PLEKHA5: variants seen among roughly 807,000 people sequenced by gnomAD.
PLEKHA5 encodes the protein pleckstrin homology domain-containing family A member 5.
PLEKHA5 carries 55 observed loss-of-function variants against 181.9 expected under a neutral mutation model. That is an observed-to-expected ratio of 0.30 (90% CI 0.24 to 0.38). The LOEUF (loss-of-function observed/expected upper bound fraction) is 0.38. Among genes scored for constraint, PLEKHA5 ranks in the 10% least tolerant of loss-of-function variants. The probability of loss-of-function intolerance (pLI) is 1.00; values close to 1 mark genes in which losing one functional copy is unlikely to be tolerated. For synonymous variants in PLEKHA5, 535 were observed against 529.4 expected (o/e 1.01, Z -0.15); for missense variants, 1,432 against 1,549.5 (o/e 0.92, Z 1.27).
intron 15 of PLEKHA5, chr12:19,306,682 C>A: frequency 2.0e-6 from 3 of 1,470,766 alleles, no homozygotes; most frequent in Non-Finnish European, 9.5e-7. Flanking sequence ...TAGCTCTGAG[C>A]AGATGCGGAC....
At chr12:19,302,995 C>T (rs889902501) in intron 15 of PLEKHA5, among the ~76,000 whole-genome samples, 2 of 133,504 alleles carry the variant, frequency 1.5e-5, no homozygotes, top group African/African-American at 5.5e-5. Flanking sequence ...CATCTCGGCT[C>T]ACTGCAACCT....
At chr12:19,179,253 A>G (rs945832238) in intron 3 of PLEKHA5, among the ~76,000 whole-genome samples, 1 of 152,116 alleles carries the variant, frequency 6.6e-6, no homozygotes, top group African/African-American at 2.4e-5. Context: ...AGTATGTATT[A>G]TTTATATTGA....
chr12:19,219,980 G>C (rs1391568720), intron 3 of PLEKHA5, among the ~76,000 whole-genome samples: 1 of 152,134 alleles, frequency 6.6e-6, no homozygotes, highest in Non-Finnish European at 1.5e-5. Context: ...AAGAATTGTA[G>C]ATAGATGTGT....
At chr12:19,158,495 G>A (rs532610164) in intron 3 of PLEKHA5, among the ~76,000 whole-genome samples, 1 of 152,308 alleles carries the variant, frequency 6.6e-6, no homozygotes, top group Admixed American at 6.5e-5. Context: ...AGTACATTCC[G>A]TGGATGTCCT....
intron 17 of PLEKHA5, 128 bp downstream of exon 17, chr12:19,320,184 G>A: frequency 4.9e-6 from 2 of 406,742 alleles, no homozygotes; most frequent in South Asian, 4.9e-5. Flanking sequence ...GGTTTTGGCT[G>A]TTGAACTATG....
At chr12:19,345,993 T>C (rs1378185541) in intron 23 of PLEKHA5, 105 bp downstream of exon 23, 1 of 547,622 alleles carries the variant, frequency 1.8e-6, no homozygotes, top group Non-Finnish European at 3.2e-6. Context: ...ATTTTTTAAA[T>C]ATATTGAACA....
chr12:19,255,990 T>G (rs761166949), intron 5 of PLEKHA5, among the ~76,000 whole-genome samples: 9 of 151,626 alleles, frequency 5.9e-5, no homozygotes, highest in Non-Finnish European at 1.0e-4. Flanking sequence ...CCACACGTAA[T>G]TATTATCCAT....
In PLEKHA5 at chr12:19,316,845, GA is replaced by G. The variant is rs2088976608; in HGVS notation, c.2118+1955del. On this transcript the variant is annotated intron_variant, in intron 16 of 31. Transcript: ENST00000429027. ...TTCCCTCATCATGTTATTATCCAGG[GA>G]AAATGTACTGCTACAGTTTGCTTTT... Among the ~76,000 whole-genome samples, 4 of 152,096 alleles carry G rather than the reference GA, an allele frequency of 2.6e-5. No homozygotes were observed. In the South Asian group the frequency reaches 8.3e-4, roughly 32 times the overall value.
Position 19,310,474 on chromosome 12 carries a change from G to A in PLEKHA5, c.2038-4340G>A, listed in dbSNP as rs1029289711. Among the ~76,000 whole-genome samples the A allele has an allele frequency of 3.3e-5, 5 of 151,904 alleles. 1 individual carries two copies. The South Asian group carries it at 1.0e-3, about 32-fold the overall frequency. On this transcript the variant is annotated intron_variant, in intron 15 of 31. Transcript: ENST00000429027. ...AAAATACAAAAATTAGCTGAGTGTG[G>A]TGGTGGGCACCTGTAATCCCAGCTA...
intron 3 of PLEKHA5, among the ~76,000 whole-genome samples, chr12:19,208,440 A>G (rs2056180891): frequency 6.6e-6 from 1 of 151,862 alleles, no homozygotes; most frequent in Non-Finnish European, 1.5e-5. Context: ...TTTCACTCGA[A>G]TTTAAACCTT....
chr12:19,247,234 C>A (rs1325501796), intron 3 of PLEKHA5, among the ~76,000 whole-genome samples: 1 of 152,166 alleles, frequency 6.6e-6, no homozygotes, highest in East Asian at 1.9e-4. Flanking sequence ...ATAAAAGAAA[C>A]CTGTCACTTA....
At chr12:19,181,080 G>A (rs2151841900) in intron 3 of PLEKHA5, among the ~76,000 whole-genome samples, 1 of 151,840 alleles carries the variant, frequency 6.6e-6, no homozygotes, top group Admixed American at 6.6e-5. Flanking sequence ...TAATATAATG[G>A]AAAATATCAG....
chr12:19,238,496 G>A, intron 3 of PLEKHA5, among the ~76,000 whole-genome samples: 1 of 152,026 alleles, frequency 6.6e-6, no homozygotes, highest in East Asian at 1.9e-4. Flanking sequence ...TTTTCCTTAA[G>A]TTGCAGAATT....
intron 15 of PLEKHA5, among the ~76,000 whole-genome samples, chr12:19,301,851 T>C (rs1326156901): frequency 6.6e-6 from 1 of 152,192 alleles, no homozygotes; most frequent in Non-Finnish European, 1.5e-5. Flanking sequence ...ATTTCCCTGC[T>C]TCCTGTTGAA....
chr12:19,320,501 A>G lies in PLEKHA5; in HGVS notation c.2155-61A>G, dbSNP rs1255742555. 1.5e-5 allele frequency: 11 copies of G among 740,294 alleles called. No individual in the cohort carries two copies. The East Asian group carries it at 2.9e-4, about 20-fold the overall frequency. 45.9% of individuals were successfully genotyped at this position (740,294 alleles called of 1,614,324 possible). A position where few individuals can be genotyped will look rare whatever the true frequency, so the allele number is the denominator to read the frequency against. ...TAATATAAATCCAAAGTATTAATTAATAGGGTAAATATATTTTTAAATAAG... is the reference window on the plus strand; with the variant it reads ...TAATATAAATCCAAAGTATTAATTAGTAGGGTAAATATATTTTTAAATAAG... On this transcript the variant is annotated intron_variant, in intron 17 of 31. Coordinates refer to ENST00000429027, the MANE Select transcript of PLEKHA5 (RefSeq NM_001256470.2).
chr12:19,144,821 A>G (rs1187920688), intron 3 of PLEKHA5, among the ~76,000 whole-genome samples: 1 of 152,220 alleles, frequency 6.6e-6, no homozygotes, highest in Non-Finnish European at 1.5e-5. Context: ...TTTTTATCAT[A>G]AAGTCAGAGA....
At chr12:19,149,578 A>G (rs896868646) in intron 3 of PLEKHA5, 2 of 151,530 alleles carry the variant, frequency 1.3e-5, no homozygotes, top group African/African-American at 4.9e-5. Flanking sequence ...TATTGTGCAT[A>G]CTTTTCATGG....
chr12:19,370,709 TTTC>T (rs1407126404), intron 31 of PLEKHA5: 15 of 152,110 alleles, frequency 9.9e-5, no homozygotes, highest in African/African-American at 3.4e-4. Flanking sequence ...TTTTATGTTA[TTTC>T]TTTTTTCAGA....
At chr12:19,201,363 A>G (rs1032806104) in intron 3 of PLEKHA5, 3 of 152,094 alleles carry the variant, frequency 2.0e-5, no homozygotes, top group Non-Finnish European at 4.4e-5. Context: ...AATGTGGAGA[A>G]ACTCAAACTC....
Sources: gnomAD v4.1 joint callset for allele counts (sites outside exome capture counted in the v4.1 genomes callset) on GRCh38, gnomAD v4.1.1 for gene constraint, MANE v1.5 for transcripts, NCBI Gene and HGNC (gene_info 2026-07-23, HGNC 2026-07-21) for gene names.